Variants in L3MBTL3 observed in about 807,000 individuals in gnomAD.
L3MBTL3 encodes L3MBTL histone methyl-lysine binding protein 3, also known as lethal(3)malignant brain tumor-like protein 3.
L3MBTL3 carries 27 observed loss-of-function variants against 102.3 expected under a neutral mutation model. The observed-to-expected ratio is 0.26, with a 90% CI of 0.19 to 0.36. L3MBTL3 has a LOEUF of 0.36. Among genes scored for constraint, L3MBTL3 ranks in the 10% least tolerant of loss-of-function variants. The pLI, the probability that L3MBTL3 is intolerant of heterozygous loss-of-function variation, is 1.00. For synonymous variants in L3MBTL3, 340 were observed against 320.9 expected, an observed-to-expected ratio of 1.06 and a Z score of -0.64; for missense variants, 798 against 955.3, an observed-to-expected ratio of 0.84 and a Z score of 2.17.
chr6:130,021,772 A>C (rs535081868), intron 1 of L3MBTL3, among the ~76,000 whole-genome samples: 4 of 152,190 alleles, frequency 2.6e-5, no homozygotes, highest in Non-Finnish European at 5.9e-5. Context: ...TTTGGTTCTA[A>C]GACTGTAATT....
At chr6:130,094,196 G>A in intron 17 of L3MBTL3, 69 bp from the exon 18 acceptor site, 1 of 1,229,390 alleles carries the variant, frequency 8.1e-7, no homozygotes, top group East Asian at 2.4e-5. Context: ...TTCTGATCCA[G>A]ACATTTGACT....
intron 11 of L3MBTL3, 108 bp downstream of exon 11, chr6:130,066,596 C>A: frequency 2.2e-6 from 2 of 903,770 alleles, no homozygotes; most frequent in Non-Finnish European, 3.3e-6. Context: ...CAGATAGGCA[C>A]AAATTTAACC....
At chr6:130,037,912 A>G (rs905607696) in intron 2 of L3MBTL3, among the ~76,000 whole-genome samples, 2 of 152,104 alleles carry the variant, frequency 1.3e-5, no homozygotes, top group Admixed American at 1.3e-4. Context: ...CCAGTTAATC[A>G]ACCTTTGTCT....
intron 17 of L3MBTL3, among the ~76,000 whole-genome samples, chr6:130,093,096 A>G (rs1045043917): frequency 1.3e-5 from 2 of 152,194 alleles, no homozygotes; most frequent in Non-Finnish European, 2.9e-5. Context: ...AGAAATAAAT[A>G]TCACCTTTTA....
chr6:130,057,180 G>A lies in L3MBTL3; in HGVS notation c.668-226G>A, dbSNP rs545720825. Reference sequence around the variant, plus strand: ...CTGCTGTCTTCTTCCTTTATTCTAAGTACTTCCACTTCCATCTTCTACCCT... The same window carrying A: ...CTGCTGTCTTCTTCCTTTATTCTAAATACTTCCACTTCCATCTTCTACCCT... On this transcript the variant is annotated intron_variant, in intron 8 of 22. Coordinates refer to ENST00000361794, the MANE Select transcript of L3MBTL3 (RefSeq NM_032438.4). Among the ~76,000 whole-genome samples, 4 of 152,200 alleles carry A rather than the reference G, an allele frequency of 2.6e-5. No individual in the cohort carries two copies. In the South Asian group the frequency reaches 8.3e-4, roughly 32 times the overall value.
chr6:130,109,027 G>A (rs1157703853), intron 19 of L3MBTL3, among the ~76,000 whole-genome samples: 1 of 152,128 alleles, frequency 6.6e-6, no homozygotes, highest in Non-Finnish European at 1.5e-5. Flanking sequence ...CCCTGCAAAG[G>A]ACATGAACTC....
chr6:130,135,196 G>C (rs181717654), intron 22 of L3MBTL3, among the ~76,000 whole-genome samples: 3 of 151,558 alleles, frequency 2.0e-5, no homozygotes, highest in Non-Finnish European at 4.4e-5. Flanking sequence ...GAGTAGCTGG[G>C]ATTACAGGTG....
At chr6:130,043,200 C>CT (rs752882009) in intron 3 of L3MBTL3, among the ~76,000 whole-genome samples, 6 of 152,078 alleles carry the variant, frequency 3.9e-5, no homozygotes, top group Non-Finnish European at 8.8e-5. Context: ...TCTCTGTGTC[C>CT]TAGAGTTCTC....
chr6:130,051,031 A>G (rs926833735), intron 5 of L3MBTL3, among the ~76,000 whole-genome samples: 1 of 152,210 alleles, frequency 6.6e-6, no homozygotes, highest in East Asian at 1.9e-4. Flanking sequence ...GCAAGCTTTT[A>G]TCCTTTCTGC....
chr6:130,085,949 A>T lies in L3MBTL3; in HGVS notation c.1408-191A>T, dbSNP rs186133255. On this transcript the variant is annotated intron_variant, in intron 15 of 22. Coordinates refer to ENST00000361794, the MANE Select transcript of L3MBTL3 (RefSeq NM_032438.4). ...TGTATTTTTAATAGAGACAGGGTTC[A>T]GCCATGTTGGCCAGGCTGGTCTCAA... 2.0e-5 allele frequency among the ~76,000 whole-genome samples: 3 copies of T among 151,984 alleles called. No homozygotes were observed. The East Asian group carries it at 5.8e-4, about 30-fold the overall frequency.
intron 4 of L3MBTL3, 38 bp downstream of exon 4, chr6:130,049,431 G>T: frequency 1.6e-6 from 2 of 1,279,322 alleles, no homozygotes; most frequent in South Asian, 2.6e-5. Flanking sequence ...TCTTGCTTTT[G>T]AAAGATTTGA....
At chr6:130,027,399 A>G (rs937512651) in intron 2 of L3MBTL3, among the ~76,000 whole-genome samples, 7 of 152,216 alleles carry the variant, frequency 4.6e-5, no homozygotes, top group African/African-American at 7.2e-5. Flanking sequence ...TACCAAAATC[A>G]GTTGATTATT....
intron 2 of L3MBTL3, among the ~76,000 whole-genome samples, chr6:130,025,879 A>G (rs1779309706): frequency 6.6e-6 from 1 of 152,170 alleles, no homozygotes; most frequent in Non-Finnish European, 1.5e-5. Context: ...GAATGAATGT[A>G]TGTGTTGGGG....
chr6:130,122,367 G>A (rs1786284563), intron 20 of L3MBTL3, among the ~76,000 whole-genome samples: 1 of 152,190 alleles, frequency 6.6e-6, no homozygotes, highest in South Asian at 2.1e-4. Context: ...TGGTGTTTAT[G>A]TAGCACGGTG....
chr6:130,035,716 A>G (rs767783864), intron 2 of L3MBTL3, among the ~76,000 whole-genome samples: 21 of 152,182 alleles, frequency 1.4e-4, no homozygotes, highest in Non-Finnish European at 2.8e-4. Context: ...ATTAGTGGGA[A>G]TCAGAAGCAT....
intron 2 of L3MBTL3, among the ~76,000 whole-genome samples, chr6:130,033,744 A>C (rs976028856): frequency 6.6e-6 from 1 of 152,204 alleles, no homozygotes; most frequent in Non-Finnish European, 1.5e-5. Context: ...TCTATACCTT[A>C]TTTTTGAAAA....
intron 20 of L3MBTL3, among the ~76,000 whole-genome samples, chr6:130,132,515 G>A (rs1787165925): frequency 2.0e-5 from 3 of 152,196 alleles, no homozygotes; most frequent in South Asian, 4.1e-4. Context: ...GAATTGAGGT[G>A]TCCTTGTAAC....
intron 15 of L3MBTL3, 25 bp from the exon 16 acceptor site, chr6:130,086,115 T>G: frequency 6.9e-7 from 1 of 1,459,034 alleles, no homozygotes; most frequent in Non-Finnish European, 9.6e-7. Context: ...TTTATCTCAC[T>G]CTGTAAAATT....
chr6:130,064,514 C>T lies in L3MBTL3; in HGVS notation c.865-1839C>T, dbSNP rs114346148. 6.1e-3 allele frequency among the ~76,000 whole-genome samples: 932 copies of T among 151,972 alleles called. 12 individuals are homozygous for T. Among genetic ancestry groups the T allele is most frequent in the African/African-American group, 0.021 (859 of 41,430 alleles). On this transcript the variant is annotated intron_variant, in intron 10 of 22. Coordinates refer to ENST00000361794, the MANE Select transcript of L3MBTL3 (RefSeq NM_032438.4). ...TTGGATAAGTCATCCATATGGATGA[C>T]GAAAGTACTCAGATGGAAAGGAAGA... is the stretch of plus-strand genomic sequence containing the variant.
Sources: gnomAD v4.1 joint callset for allele counts (sites outside exome capture counted in the v4.1 genomes callset) on GRCh38, gnomAD v4.1.1 for gene constraint, MANE v1.5 for transcripts, NCBI Gene and HGNC (gene_info 2026-07-23, HGNC 2026-07-21) for gene names.